The following GLIPR1L2 variants were observed in gnomAD, a reference collection of about 807,000 sequenced individuals.
The protein encoded by GLIPR1L2 is GLIPR1-like protein 2.
In GLIPR1L2, 21 loss-of-function variants were observed where a neutral mutation model predicts 28.4. That is an observed-to-expected ratio of 0.74 (90% CI 0.52 to 1.06). The LOEUF (loss-of-function observed/expected upper bound fraction) is 1.06, where lower values mean the gene tolerates loss of function less well. Ranked by LOEUF, GLIPR1L2 falls within the 50% of genes least tolerant of loss-of-function variation. The pLI is 0.00. For synonymous variants in GLIPR1L2, 145 were observed against 139.3 expected (o/e 1.04, Z -0.29); for missense variants, 476 against 416.9 (o/e 1.14, Z -1.23).
intron 3 of GLIPR1L2, 58 bp from the exon 4 acceptor site, chr12:75,422,846 T>G: frequency 2.2e-6 from 3 of 1,382,866 alleles, no homozygotes; most frequent in Non-Finnish European, 1.0e-6. Flanking sequence ...ATTATTTAAA[T>G]TACATGTAAA....
At position 75,432,548 on chromosome 12, in the gene GLIPR1L2, A is replaced by G. The variant is rs780028818; in HGVS notation, c.*1387A>G. ...GGAAAGAAAAAAAAAAAAACCTAGC[A>G]TAGCCAAATACCTCAAATGGTATAA... On this transcript the variant is annotated 3_prime_UTR_variant, in exon 6 of 6. Coordinates refer to ENST00000550916, the MANE Select transcript of GLIPR1L2 (RefSeq NM_001270396.2). 1 of 151,852 alleles carries G rather than the reference A, an allele frequency of 6.6e-6. No individual in the cohort carries two copies. Among genetic ancestry groups the G allele is most frequent in the Non-Finnish European group, 1.5e-5 (1 of 67,938 alleles). 9.4% of individuals were successfully genotyped at this position (151,852 alleles called of 1,614,324 possible).
chr12:75,418,995 A>T (rs2045951450), intron 3 of GLIPR1L2, among the ~76,000 whole-genome samples: 1 of 151,994 alleles, frequency 6.6e-6, no homozygotes, highest in South Asian at 2.1e-4. Flanking sequence ...GGGGAACATC[A>T]CACACTGGGG....
At chr12:75,404,610 A>G (rs998419013) in intron 1 of GLIPR1L2, among the ~76,000 whole-genome samples, 5 of 152,136 alleles carry the variant, frequency 3.3e-5, no homozygotes, top group Non-Finnish European at 5.9e-5. Flanking sequence ...GAACACATGT[A>G]CAAATAAAGA....
chr12:75,428,509 G>A (rs1004520864), intron 4 of GLIPR1L2, among the ~76,000 whole-genome samples: 19 of 132,072 alleles, frequency 1.4e-4, no homozygotes, highest in African/African-American at 5.2e-4. Flanking sequence ...TGACCATGTG[G>A]TAGAAAAAAT....
chr12:75,430,937 G>C lies in GLIPR1L2; in HGVS notation c.811G>C (p.Val271Leu), dbSNP rs1475460369. The change falls in exon 6 of 6, where the codon GTT (valine) becomes CTT (leucine). Residue 271 changes from valine to leucine, a missense_variant. Val to Leu is a conservative substitution (Grantham distance 32). Transcript: ENST00000550916. ...ILCFILCVITVLIVQSQFPNI... is the reference protein window; with the variant it reads ...ILCFILCVITLLIVQSQFPNI... ...ATGTTTTATCCTGTGTGTCATAACT[G>C]TTTTGATAGTACAGTCTCAGTTTCC... The C allele has an allele frequency of 1.3e-6, 2 of 1,535,656 alleles. No individual in the cohort carries two copies. The highest frequency in any genetic ancestry group is 2.0e-5 in the Admixed American group (1 of 50,980).
At chr12:75,394,237 C>T (rs2045659556) in intron 1 of GLIPR1L2, among the ~76,000 whole-genome samples, 1 of 151,986 alleles carries the variant, frequency 6.6e-6, no homozygotes, top group Non-Finnish European at 1.5e-5. Context: ...TTGATAATAT[C>T]CTTTGATAAA....
In GLIPR1L2 at chr12:75,391,312, G is replaced by T; in HGVS notation, c.196G>T (p.Gly66Cys). 1.2e-6 allele frequency: 2 copies of T among 1,614,170 alleles called. No homozygotes were observed. Among genetic ancestry groups the T allele is most frequent in the Non-Finnish European group, 1.7e-6 (2 of 1,180,022 alleles). ...CGTGAACCTCCACAATGAGCTGCGG[G>T]GCGACGTCATTCCCCGAGGGTCTAA... The part of the protein sequence containing the change: ...EYVNLHNELR[G>C]DVIPRGSNLR... Residue 66 changes from glycine to cysteine, a missense_variant, in exon 1 of 6, where the codon GGC (glycine) becomes TGC (cysteine). By Grantham distance (159) the Gly-to-Cys change is radical. Coordinates refer to ENST00000550916, the MANE Select transcript of GLIPR1L2 (RefSeq NM_001270396.2).
chr12:75,396,779 AG>A (rs930149876), intron 1 of GLIPR1L2, among the ~76,000 whole-genome samples: 2 of 152,200 alleles, frequency 1.3e-5, no homozygotes, highest in African/African-American at 4.8e-5. Flanking sequence ...TTTTAATTAA[AG>A]TCCTCCAGAT....
chr12:75,430,479 G>C (rs898860285), intron 4 of GLIPR1L2, among the ~76,000 whole-genome samples: 9 of 152,158 alleles, frequency 5.9e-5, no homozygotes, highest in Middle Eastern at 6.3e-3. Flanking sequence ...GCCAGAATTA[G>C]CACTAGAATG....
intron 1 of GLIPR1L2, among the ~76,000 whole-genome samples, chr12:75,394,294 T>A (rs2045660281): frequency 6.6e-6 from 1 of 152,084 alleles, no homozygotes; most frequent in Non-Finnish European, 1.5e-5. Flanking sequence ...TTTTTTGTTG[T>A]TATTGTATGT....
intron 3 of GLIPR1L2, among the ~76,000 whole-genome samples, chr12:75,418,648 T>C (rs2045947271): frequency 6.6e-6 from 1 of 152,132 alleles, no homozygotes; most frequent in South Asian, 2.1e-4. Flanking sequence ...CTTAGGATTG[T>C]CTTGGCTATT....
At position 75,424,973 on chromosome 12, in the gene GLIPR1L2, A is replaced by G. The variant is rs534310989; in HGVS notation, c.670+1984A>G. Among the ~76,000 whole-genome samples, 6 of 152,190 alleles carry G rather than the reference A, an allele frequency of 3.9e-5. No homozygotes were observed. The East Asian group carries it at 9.7e-4, about 25-fold the overall frequency. Reference sequence around the variant, plus strand: ...GGTGATATGTTAGAGCCTAAACAGCATAACAAAGGATCCACACGAGATGCA... The same window carrying G: ...GGTGATATGTTAGAGCCTAAACAGCGTAACAAAGGATCCACACGAGATGCA... On this transcript the variant is annotated intron_variant, in intron 4 of 5. Coordinates refer to ENST00000550916, the MANE Select transcript of GLIPR1L2 (RefSeq NM_001270396.2).
chr12:75,430,667 AAAG>A (rs1441126857), intron 4 of GLIPR1L2, 45 bp from the exon 5 acceptor site: 1 of 1,491,136 alleles, frequency 6.7e-7, no homozygotes, highest in Admixed American at 2.1e-5. Context: ...TTTTTTAGAC[AAAG>A]AAGAAATTTT....
intron 2 of GLIPR1L2, among the ~76,000 whole-genome samples, chr12:75,411,356 A>ATT (rs2045865205): frequency 1.3e-5 from 2 of 151,818 alleles, no homozygotes; most frequent in South Asian, 4.1e-4. Flanking sequence ...GAACTCCCAC[A>ATT]TTTACTTAAA....
intron 1 of GLIPR1L2, among the ~76,000 whole-genome samples, chr12:75,397,140 T>C (rs796774563): frequency 1.5e-4 from 23 of 152,230 alleles, no homozygotes; most frequent in African/African-American, 5.3e-4. Flanking sequence ...CTACAGTCCA[T>C]CTCTTTTTCT....
intron 2 of GLIPR1L2, among the ~76,000 whole-genome samples, chr12:75,411,528 C>A (rs758141655): frequency 6.6e-6 from 1 of 151,518 alleles, no homozygotes; most frequent in Non-Finnish European, 1.5e-5. Context: ...TAGAAAGTTA[C>A]AGTGATTCTC....
chr12:75,427,153 A>T (rs1161928296), intron 4 of GLIPR1L2, among the ~76,000 whole-genome samples: 1 of 152,228 alleles, frequency 6.6e-6, no homozygotes, highest in Non-Finnish European at 1.5e-5. Flanking sequence ...TAAGGGCCAA[A>T]GATACTAAAT....
At position 75,413,607 on chromosome 12, in the gene GLIPR1L2, G is replaced by T; in HGVS notation, c.490G>T (p.Asp164Tyr). ...DCSNYIQLVW[D>Y]HSYKVGCAVT... ...GAAAATTTTATTTTAGCTTGTTTGG[G>T]ACCACTCTTACAAAGTTGGTTGTGC... Residue 164 changes from aspartate (D) to tyrosine (Y), a missense_variant, in exon 3 of 6, where the codon GAC becomes TAC. By Grantham distance (160) the Asp-to-Tyr change is radical (BLOSUM62 -3). Transcript: ENST00000550916. 2 of 1,544,348 alleles carry T rather than the reference G, an allele frequency of 1.3e-6. No homozygotes were observed. Among genetic ancestry groups the T allele is most frequent in the Non-Finnish European group, 1.7e-6 (2 of 1,148,904 alleles).
At chr12:75,406,150 T>TA (rs35803723) in intron 1 of GLIPR1L2, among the ~76,000 whole-genome samples, 75,581 of 151,082 alleles carry the variant, frequency 0.5, 19,241 homozygotes, top group East Asian at 0.58. Flanking sequence ...GGTCTTTTTT[T>TA]AAAAAAAAAT....
Sources: gnomAD v4.1 joint callset for allele counts (sites outside exome capture counted in the v4.1 genomes callset) on GRCh38, gnomAD v4.1.1 for gene constraint, MANE v1.5 for transcripts, NCBI Gene and HGNC (gene_info 2026-07-23, HGNC 2026-07-21) for gene names.